The following AK7 variants were observed in gnomAD, a reference collection of about 807,000 sequenced individuals.
AK7 encodes the protein adenylate kinase 7.
AK7 carries 78 observed loss-of-function variants against 96.6 expected under a neutral mutation model. The ratio of observed to expected loss-of-function variants is 0.81; its 90% CI spans 0.67 to 0.97. The LOEUF is 0.97. Ranked by LOEUF, AK7 falls within the 50% of genes least tolerant of loss-of-function variation. The pLI is 0.00. For missense variants in AK7, 855 were observed against 887.9 expected (o/e 0.96, Z 0.47); for synonymous variants, 302 against 317.2 (o/e 0.95, Z 0.51).
intron 5 of AK7, among the ~76,000 whole-genome samples, chr14:96,426,971 T>A (rs1419968510): frequency 6.6e-6 from 1 of 152,210 alleles, no homozygotes; most frequent in Non-Finnish European, 1.5e-5. Flanking sequence ...TTAGGCCGGG[T>A]GTGGTGGCTC....
intron 5 of AK7, 123 bp from the exon 6 acceptor site, chr14:96,437,712 C>G: frequency 1.5e-6 from 1 of 650,024 alleles, no homozygotes; most frequent in South Asian, 2.0e-5. Flanking sequence ...CCGAACAATA[C>G]TCAGTAACCT....
intron 1 of AK7, among the ~76,000 whole-genome samples, chr14:96,394,218 T>C (rs1440456167): frequency 1.3e-5 from 2 of 151,924 alleles, no homozygotes; most frequent in South Asian, 2.1e-4. Context: ...AAAGTAGGAA[T>C]AGGGTTGGCG....
At chr14:96,408,708 A>G in intron 3 of AK7, 139 bp from the exon 4 acceptor site, 1 of 675,874 alleles carries the variant, frequency 1.5e-6, no homozygotes, top group Non-Finnish European at 2.5e-6. Context: ...AAGAACGGTG[A>G]TGGGAACAGG....
At chr14:96,482,466 T>C (rs1046798568) in intron 15 of AK7, among the ~76,000 whole-genome samples, 2 of 150,202 alleles carry the variant, frequency 1.3e-5, no homozygotes, top group Non-Finnish European at 3.0e-5. Flanking sequence ...AATACACCAT[T>C]TCTCTTTTTC....
chr14:96,465,677 C>T (rs1894523132), intron 12 of AK7, among the ~76,000 whole-genome samples: 1 of 151,754 alleles, frequency 6.6e-6, no homozygotes, highest in South Asian at 2.1e-4. Flanking sequence ...TTTTATTTTA[C>T]CTGGTGAATG....
At chr14:96,439,318 A>C (rs945158472) in intron 6 of AK7, among the ~76,000 whole-genome samples, 5 of 152,012 alleles carry the variant, frequency 3.3e-5, no homozygotes, top group Non-Finnish European at 7.4e-5. Context: ...TTAGGAAAGG[A>C]GGTTGAGAAG....
intron 6 of AK7, 66 bp downstream of exon 6, chr14:96,437,981 G>A: frequency 2.7e-6 from 4 of 1,481,928 alleles, no homozygotes; most frequent in African/African-American, 1.4e-5. Context: ...GCAATTTGAA[G>A]GTGTTTTTGA....
chr14:96,478,388 G>T, intron 14 of AK7, 77 bp from the exon 15 acceptor site: 1 of 1,460,200 alleles, frequency 6.8e-7, no homozygotes, highest in Non-Finnish European at 9.6e-7. Flanking sequence ...GGTAACCAGG[G>T]GGCCATGCGT....
intron 4 of AK7, among the ~76,000 whole-genome samples, chr14:96,413,469 T>C (rs1891158295): frequency 1.3e-5 from 2 of 152,228 alleles, no homozygotes; most frequent in Non-Finnish European, 2.9e-5. Context: ...GCAGAGTTGC[T>C]GTGGGTAGGC....
In AK7 at chr14:96,404,803, T is replaced by A. The variant is rs747264573; in HGVS notation, c.341T>A (p.Val114Asp). Residue 114 changes from valine to aspartate, a missense_variant, in exon 3 of 18, where the codon GTT becomes GAT. Transcript: ENST00000267584. ...DLLMRLLECD[V>D]IIYNITESSQ... ...CTCATGCGCCTGCTGGAGTGTGATG[T>A]TATTATTTATAACATCACTGAGAGC... is the stretch of plus-strand genomic sequence containing the variant. 6 of 1,610,898 alleles carry A rather than the reference T, an allele frequency of 3.7e-6. No homozygotes were observed. In the Middle Eastern group the frequency reaches 5.0e-4, roughly 133 times the overall value.
chr14:96,459,927 G>A (rs1265446328), intron 12 of AK7, among the ~76,000 whole-genome samples: 4 of 152,128 alleles, frequency 2.6e-5, no homozygotes, highest in Admixed American at 1.3e-4. Context: ...GGGCCAATAC[G>A]TAATACAGGA....
At chr14:96,441,039 G>A (rs1002691096) in intron 6 of AK7, among the ~76,000 whole-genome samples, 56 of 151,910 alleles carry the variant, frequency 3.7e-4, no homozygotes, top group African/African-American at 1.2e-3. Flanking sequence ...AGAGGCAAGC[G>A]GGCACATTCT....
chr14:96,452,194 G>T (rs868084163), intron 10 of AK7, among the ~76,000 whole-genome samples: 4 of 152,310 alleles, frequency 2.6e-5, no homozygotes, highest in Middle Eastern at 3.4e-3. Flanking sequence ...TGTAGACATT[G>T]TGGAATGGCT....
intron 12 of AK7, among the ~76,000 whole-genome samples, chr14:96,464,460 G>A (rs915537152): frequency 2.1e-5 from 3 of 146,238 alleles, no homozygotes; most frequent in African/African-American, 7.5e-5. Context: ...GACACAGGAG[G>A]ATGGCTTGAG....
intron 2 of AK7, 43 bp downstream of exon 2, chr14:96,398,306 G>A: frequency 6.3e-7 from 1 of 1,595,868 alleles, no homozygotes; most frequent in Non-Finnish European, 8.6e-7. Context: ...AGAGGGAAGA[G>A]TCACCTTCCG....
chr14:96,481,433 G>A (rs1895496695), intron 15 of AK7, among the ~76,000 whole-genome samples: 1 of 152,126 alleles, frequency 6.6e-6, no homozygotes, highest in Admixed American at 6.6e-5. Context: ...TGCAACCTCT[G>A]CCTCCTGGGT....
In AK7 at chr14:96,398,310, C is replaced by T. The variant is rs767135591; in HGVS notation, c.294+47C>T. 1.3e-5 allele frequency: 21 copies of T among 1,587,032 alleles called. No individual in the cohort carries two copies. The East Asian group carries it at 4.7e-4, about 35-fold the overall frequency. On this transcript the variant is annotated intron_variant, in intron 2 of 17. Coordinates refer to ENST00000267584, the MANE Select transcript of AK7 (RefSeq NM_152327.5). ...CAGGAGTAGACAGAGGGAAGAGTCA[C>T]CTTCCGCTCCAACGCCTTGACAACT...
chr14:96,471,633 A>G, intron 13 of AK7, 27 bp downstream of exon 13: 1 of 1,469,462 alleles, frequency 6.8e-7, no homozygotes, highest in Non-Finnish European at 9.0e-7. Flanking sequence ...TATTTTGAGT[A>G]TTTATATTCA....
intron 12 of AK7, 65 bp downstream of exon 12, chr14:96,458,277 T>TTA: frequency 1.3e-6 from 2 of 1,570,190 alleles, no homozygotes; most frequent in Non-Finnish European, 1.7e-6. Context: ...AAAAATCTGG[T>TTA]TATAAAAGAC....
Sources: allele counts gnomAD v4.1 joint callset (sites outside exome capture counted in the v4.1 genomes callset), GRCh38; gene constraint gnomAD v4.1.1; transcripts MANE v1.5; gene names NCBI Gene and HGNC (gene_info 2026-07-23, HGNC 2026-07-21).